The following DOCK7 variants were observed in gnomAD, a reference collection of about 807,000 sequenced individuals.
The protein encoded by DOCK7 is dedicator of cytokinesis protein 7.
DOCK7 carries 138 observed loss-of-function variants against 271.0 expected under a neutral mutation model. The ratio of observed to expected loss-of-function variants is 0.51; its 90% CI spans 0.44 to 0.59. DOCK7 has a LOEUF of 0.59. Among genes scored for constraint, DOCK7 ranks in the 20% least tolerant of loss-of-function variants. The pLI is 0.00. For missense variants in DOCK7, 2,066 were observed against 2,592.4 expected (o/e 0.80, Z 4.41); for synonymous variants, 823 against 876.1 (o/e 0.94, Z 1.07).
chr1:62,477,676 T>G lies in DOCK7; in HGVS notation c.5634+24A>C. 1.9e-6 allele frequency: 3 copies of G among 1,561,412 alleles called. No individual in the cohort carries two copies. The South Asian group carries it at 3.7e-5, about 19-fold the overall frequency. Reference sequence around the variant, plus strand: ...AGAGAATACAAACTAAAGATGACATTTTATGAACCACCACAGCATTCACCT... The same window carrying G: ...AGAGAATACAAACTAAAGATGACATGTTATGAACCACCACAGCATTCACCT... On this transcript the variant is annotated intron_variant, in intron 44 of 49. Coordinates refer to ENST00000635253, the MANE Select transcript of DOCK7 (RefSeq NM_001367561.1).
Position 62,535,764 on chromosome 1 carries a change from C to A in DOCK7, c.3472-132G>T, listed in dbSNP as rs1645325959. ...TATATTACTAACACTGAAGACAAAG[C>A]AACTTTTCAGACTTTTGGGACAGGA... is the stretch of plus-strand genomic sequence containing the variant. On this transcript the variant is annotated intron_variant, in intron 28 of 49. Transcript: ENST00000635253. 9.3e-6 allele frequency: 7 copies of A among 751,314 alleles called. No individual in the cohort carries two copies. The South Asian group carries it at 3.1e-4, about 33-fold the overall frequency. The allele number at this position is 751,314 out of a possible 1,614,324, so 46.5% of individuals were successfully genotyped here. A position where few individuals can be genotyped will look rare whatever the true frequency, so the allele number is the denominator to read the frequency against.
chr1:62,542,517 C>A, intron 25 of DOCK7, 91 bp downstream of exon 25: 2 of 1,295,556 alleles, frequency 1.5e-6, no homozygotes, highest in East Asian at 2.4e-5. Flanking sequence ...AGATGTGCAA[C>A]AGAAAAAGAT....
chr1:62,579,422 A>C lies in DOCK7; in HGVS notation c.1872-456T>G, dbSNP rs996102157. Reference sequence around the variant, plus strand: ...AATGGGAAAAAAGGCATCTTTAGACAACTTAATATCAAAATATCACATTGG... The same window carrying C: ...AATGGGAAAAAAGGCATCTTTAGACCACTTAATATCAAAATATCACATTGG... On this transcript the variant is annotated intron_variant, in intron 16 of 49. Coordinates refer to ENST00000635253, the MANE Select transcript of DOCK7 (RefSeq NM_001367561.1). Among the ~76,000 whole-genome samples, 3 of 152,126 alleles carry C rather than the reference A, an allele frequency of 2.0e-5. No homozygotes were observed. In the South Asian group the frequency reaches 6.2e-4, roughly 32 times the overall value.
At chr1:62,456,001 TCTG>T (rs1325113015) in intron 49 of DOCK7, among the ~76,000 whole-genome samples, 1 of 152,222 alleles carries the variant, frequency 6.6e-6, no homozygotes, top group Non-Finnish European at 1.5e-5. Context: ...TTAAAAATGA[TCTG>T]CAAGAAGCTT....
chr1:62,519,994 C>G (rs1041471165), intron 31 of DOCK7, among the ~76,000 whole-genome samples: 1 of 152,248 alleles, frequency 6.6e-6, no homozygotes, highest in Middle Eastern at 3.4e-3. Flanking sequence ...CAAAAACAAT[C>G]AATGGGGAAA....
chr1:62,626,846 A>C (rs567457468), intron 11 of DOCK7, among the ~76,000 whole-genome samples: 1 of 152,216 alleles, frequency 6.6e-6, no homozygotes, highest in South Asian at 2.1e-4. Flanking sequence ...TCCTTCAAAA[A>C]CCCTTCCAAA....
chr1:62,625,177 A>G (rs2031374), intron 12 of DOCK7, 82 bp downstream of exon 12: 3 of 1,402,974 alleles, frequency 2.1e-6, no homozygotes, highest in South Asian at 2.7e-5. Context: ...CCATACATGT[A>G]TAGTACAATC....
Position 62,559,073 on chromosome 1 carries a change from C to T in DOCK7, c.2347G>A (p.Glu783Lys). ...SISALNSSQL[E>K]PVVRFLHLLL... The stretch of plus-strand genomic sequence containing the variant: ...AGATGAAGAAATCGGACCACTGGTT[C>T]CAGCTGGGATGAATTCAGTGCTGAA... Residue 783 changes from glutamate (E) to lysine (K), a missense_variant, in exon 20 of 50, where the codon GAA becomes AAA. Around this residue, in one of 2 missense-constraint regions of DOCK7, gnomAD observed 1,414 missense variants for 1,670.4 expected, o/e 0.85. Transcript: ENST00000635253. 6.2e-7 allele frequency: 1 copy of T among 1,613,786 alleles called. No homozygotes were observed. Among genetic ancestry groups the T allele is most frequent in the Non-Finnish European group, 8.5e-7 (1 of 1,179,880 alleles).
chr1:62,529,522 G>C (rs1000785710), intron 29 of DOCK7, 76 bp from the exon 30 acceptor site: 2 of 1,139,832 alleles, frequency 1.8e-6, no homozygotes, highest in African/African-American at 3.1e-5. Flanking sequence ...AAAACAAACA[G>C]TAAGTCATGG....
At chr1:62,671,498 A>G (rs1038329844) in intron 1 of DOCK7, among the ~76,000 whole-genome samples, 4 of 152,206 alleles carry the variant, frequency 2.6e-5, no homozygotes, top group Admixed American at 6.5e-5. Flanking sequence ...AGAAACAGAT[A>G]TAAGAATTTA....
At chr1:62,600,621 A>G (rs897939046) in intron 14 of DOCK7, among the ~76,000 whole-genome samples, 3 of 151,912 alleles carry the variant, frequency 2.0e-5, no homozygotes, top group Admixed American at 2.0e-4. Flanking sequence ...ATCTACAGAT[A>G]TGTTTACAGG....
intron 42 of DOCK7, 56 bp from the exon 43 acceptor site, chr1:62,487,468 A>C (rs1646328522): frequency 1.3e-6 from 2 of 1,534,960 alleles, no homozygotes; most frequent in Non-Finnish European, 1.8e-6. Flanking sequence ...TGAAAGAACA[A>C]AAAAGGCCAA....
intron 12 of DOCK7, among the ~76,000 whole-genome samples, chr1:62,623,069 T>C (rs900742481): frequency 2.6e-5 from 4 of 152,190 alleles, no homozygotes; most frequent in African/African-American, 7.2e-5. Context: ...CCGACATGCC[T>C]GGCCAACACA....
chr1:62,530,796 AC>A (rs1231328595), intron 29 of DOCK7: 2 of 153,510 alleles, frequency 1.3e-5, no homozygotes, highest in Non-Finnish European at 2.9e-5. Context: ...GGTTATGCTC[AC>A]CTGCATCCCT....
intron 10 of DOCK7, among the ~76,000 whole-genome samples, chr1:62,631,828 A>G (rs966668472): frequency 5.9e-5 from 9 of 152,250 alleles, no homozygotes; most frequent in African/African-American, 2.2e-4. Context: ...TCCCTAACAT[A>G]TAACAACCAT....
chr1:62,639,498 G>A (rs1024201963), intron 7 of DOCK7, among the ~76,000 whole-genome samples: 3 of 129,554 alleles, frequency 2.3e-5, no homozygotes, highest in South Asian at 2.4e-4. Context: ...GCAGTGGCTC[G>A]ATCTCGGCTC....
chr1:62,600,923 A>T lies in DOCK7; in HGVS notation c.1683-14299T>A, dbSNP rs140964112. The T allele has an allele frequency of 3.1e-5, 18 of 580,906 alleles. No homozygotes were observed. The Admixed American group carries it at 3.9e-4, about 13-fold the overall frequency. The allele number at this position is 580,906 out of a possible 1,614,324, so 36.0% of individuals were successfully genotyped here. A position where few individuals can be genotyped will look rare whatever the true frequency, so the allele number is the denominator to read the frequency against. ...CTGATTAAATATTTTGAGAACAGGT[A>T]ATCTGTACAATCTGAATAACACTGT... On this transcript the variant is annotated intron_variant, in intron 14 of 49. Coordinates refer to ENST00000635253, the MANE Select transcript of DOCK7 (RefSeq NM_001367561.1).
intron 14 of DOCK7, chr1:62,606,152 A>G (rs1650951068): frequency 6.6e-6 from 1 of 152,014 alleles, no homozygotes; most frequent in African/African-American, 2.4e-5. Context: ...GGTAAAAATA[A>G]TCTATAATTT....
Position 62,688,345 on chromosome 1 carries a change from G to C in DOCK7, c.-81C>G, listed in dbSNP as rs962553170. 2.2e-4 allele frequency: 210 copies of C among 969,344 alleles called. 1 individual carries two copies. The highest frequency in any genetic ancestry group is 2.7e-4 in the Non-Finnish European group (204 of 765,978). 60.0% of individuals were successfully genotyped at this position (969,344 alleles called of 1,614,324 possible). ...GGCGGGCGCGTGCCTCCTCGCTCGT[G>C]CTCCCTCCCTCGCGGCCTCCGCCAG... is the stretch of plus-strand genomic sequence containing the variant. On this transcript the variant is annotated 5_prime_UTR_variant, in exon 1 of 50. Transcript: ENST00000635253.
Sources: allele counts gnomAD v4.1 joint callset (sites outside exome capture counted in the v4.1 genomes callset), GRCh38; gene constraint gnomAD v4.1.1; regional missense constraint gnomAD v4.1.1; transcripts MANE v1.5; gene names NCBI Gene and HGNC (gene_info 2026-07-23, HGNC 2026-07-21).